Variants in CNTN6 observed in about 807,000 individuals in gnomAD.
The protein encoded by CNTN6 is contactin 6.
In CNTN6, 137 loss-of-function variants were observed where a neutral mutation model predicts 122.8. That is an observed-to-expected ratio of 1.12 (90% CI 0.97 to 1.29). CNTN6 has a LOEUF of 1.29. Ranked by LOEUF, CNTN6 falls within the 50% of genes most tolerant of loss-of-function variation. The pLI, the probability that CNTN6 is intolerant of heterozygous loss-of-function variation, is 0.00. For missense variants in CNTN6, 1,634 were observed against 1,223.4 expected (o/e 1.34, Z -5.01); for synonymous variants, 570 against 426.0 (o/e 1.34, Z -4.16).
chr3:1,334,726 A>G (rs1053117271), intron 11 of CNTN6, among the ~76,000 whole-genome samples: 3 of 152,120 alleles, frequency 2.0e-5, no homozygotes, highest in Non-Finnish European at 4.4e-5. Flanking sequence ...GGCACCGAGC[A>G]CCATTCTTTA....
intron 20 of CNTN6, chr3:1,394,081 G>C (rs974562924): frequency 1.2e-4 from 19 of 161,482 alleles, no homozygotes; most frequent in Non-Finnish European, 1.9e-4. Context: ...ACAGATGGAG[G>C]AGAGGGGGCC....
intron 7 of CNTN6, among the ~76,000 whole-genome samples, chr3:1,314,934 G>A (rs973476414): frequency 3.9e-5 from 6 of 151,916 alleles, no homozygotes; most frequent in Non-Finnish European, 5.9e-5. Context: ...TATGGTCTGA[G>A]GAATCTTTGA....
At chr3:1,198,484 T>C (rs936930201) in intron 2 of CNTN6, among the ~76,000 whole-genome samples, 2 of 151,998 alleles carry the variant, frequency 1.3e-5, no homozygotes, top group Non-Finnish European at 2.9e-5. Context: ...GGGCTTTGGG[T>C]GGCCAAGGCA....
At chr3:1,149,068 C>T (rs538181319) in intron 2 of CNTN6, among the ~76,000 whole-genome samples, 7 of 152,240 alleles carry the variant, frequency 4.6e-5, no homozygotes, top group African/African-American at 1.4e-4. Context: ...TGTGGAATGA[C>T]ACTACATCTC....
chr3:1,118,209 G>A (rs1380527447), intron 1 of CNTN6, among the ~76,000 whole-genome samples: 1 of 152,092 alleles, frequency 6.6e-6, no homozygotes, highest in African/African-American at 2.4e-5. Flanking sequence ...TATCCTAAAG[G>A]TGAAGAGAAG....
intron 1 of CNTN6, among the ~76,000 whole-genome samples, chr3:1,122,370 G>GGTAGGGAGGGAGGGAGGAAT: frequency 6.9e-6 from 1 of 144,268 alleles, no homozygotes; most frequent in African/African-American, 2.9e-5. Context: ...GAGGAAGGAA[G>GGTAGGGAGGGAGGGAGGAAT]GAAGGAAGGG....
At chr3:1,314,384 T>C (rs1026545628) in intron 7 of CNTN6, among the ~76,000 whole-genome samples, 9 of 152,120 alleles carry the variant, frequency 5.9e-5, no homozygotes, top group Non-Finnish European at 1.2e-4. Flanking sequence ...TAATCCCAAA[T>C]ACAAGCATCT....
chr3:1,345,439 T>G (rs537033085), intron 11 of CNTN6, among the ~76,000 whole-genome samples: 6 of 152,158 alleles, frequency 3.9e-5, no homozygotes, highest in African/African-American at 1.2e-4. Flanking sequence ...TAATTAAAGT[T>G]ACTGACATAA....
chr3:1,302,557 AG>A, intron 7 of CNTN6, among the ~76,000 whole-genome samples: 1 of 152,238 alleles, frequency 6.6e-6, no homozygotes, highest in East Asian at 1.9e-4. Flanking sequence ...AAATATAGAA[AG>A]ACCAGCTCCA....
chr3:1,237,843 T>A (rs2094440004), intron 4 of CNTN6, among the ~76,000 whole-genome samples: 1 of 152,014 alleles, frequency 6.6e-6, no homozygotes, highest in African/African-American at 2.4e-5. Flanking sequence ...TCCAGACAAA[T>A]AAATGCTGGG....
chr3:1,272,947 C>A (rs2095050333), intron 4 of CNTN6, among the ~76,000 whole-genome samples: 1 of 152,186 alleles, frequency 6.6e-6, no homozygotes, highest in Non-Finnish European at 1.5e-5. Flanking sequence ...CCCTCCCTTG[C>A]ACCTTGGTTG....
intron 4 of CNTN6, among the ~76,000 whole-genome samples, chr3:1,240,374 C>T (rs867449896): frequency 6.6e-6 from 1 of 152,100 alleles, no homozygotes; most frequent in Non-Finnish European, 1.5e-5. Flanking sequence ...CATGAATAGA[C>T]AATTCTCAAA....
chr3:1,214,643 ATAATAC>A (rs2094104426), intron 2 of CNTN6, among the ~76,000 whole-genome samples: 1 of 152,086 alleles, frequency 6.6e-6, no homozygotes. Flanking sequence ...TATATTGGTG[ATAATAC>A]TAAAGTCATC....
chr3:1,377,052 T>C lies in CNTN6; in HGVS notation c.2143T>C (p.Ser715Pro). 1 of 1,602,178 alleles carries C rather than the reference T, an allele frequency of 6.2e-7. No individual in the cohort carries two copies. The highest frequency in any genetic ancestry group is 8.5e-7 in the Non-Finnish European group (1 of 1,173,684). ...VNIHGGGGSR[S>P]ELVITWESIP... ...CATCCATGGAGGTGGAGGAAGTCGGTCTGAACTCGTCATTACGTGGGAGGT... is the reference window on the plus strand; with the variant it reads ...CATCCATGGAGGTGGAGGAAGTCGGCCTGAACTCGTCATTACGTGGGAGGT... The change falls in exon 17 of 23, where the codon TCT becomes CCT. Residue 715 changes from serine to proline, a missense_variant. Coordinates refer to ENST00000446702, the MANE Select transcript of CNTN6 (RefSeq NM_001289080.2).
At chr3:1,120,545 T>A (rs13072233) in intron 1 of CNTN6, among the ~76,000 whole-genome samples, 1 of 151,952 alleles carries the variant, frequency 6.6e-6, no homozygotes, top group Admixed American at 6.6e-5. Context: ...AATATTATTG[T>A]TTTATATATT....
intron 1 of CNTN6, among the ~76,000 whole-genome samples, chr3:1,106,250 T>C (rs960654025): frequency 1.3e-5 from 2 of 152,150 alleles, no homozygotes; most frequent in Non-Finnish European, 2.9e-5. Context: ...TATTTTCTTC[T>C]TCAAAAACCC....
intron 2 of CNTN6, among the ~76,000 whole-genome samples, chr3:1,182,353 A>G (rs936176913): frequency 6.6e-6 from 1 of 152,178 alleles, no homozygotes; most frequent in Non-Finnish European, 1.5e-5. Context: ...CTTTCCACAG[A>G]GCCCTAGAAA....
chr3:1,205,655 A>G (rs1347147072), intron 2 of CNTN6, among the ~76,000 whole-genome samples: 1 of 152,200 alleles, frequency 6.6e-6, no homozygotes, highest in Non-Finnish European at 1.5e-5. Flanking sequence ...AAAAGGCAAA[A>G]TCATCAATTT....
intron 11 of CNTN6, among the ~76,000 whole-genome samples, chr3:1,332,753 G>A (rs1320859931): frequency 6.6e-6 from 1 of 152,004 alleles, no homozygotes; most frequent in Non-Finnish European, 1.5e-5. Context: ...CCTAAAAAAG[G>A]AGAGAAAGTC....
Sources: gnomAD v4.1 joint callset for allele counts (sites outside exome capture counted in the v4.1 genomes callset) on GRCh38, gnomAD v4.1.1 for gene constraint, MANE v1.5 for transcripts, NCBI Gene and HGNC (gene_info 2026-07-23, HGNC 2026-07-21) for gene names.